The following DLG3 variants were observed in gnomAD, a reference collection of about 807,000 sequenced individuals.
The protein encoded by DLG3 is disks large homolog 3.
DLG3 carries 1 observed loss-of-function variant against 64.1 expected under a neutral mutation model. The ratio of observed to expected loss-of-function variants is 0.02; its 90% CI spans 0.01 to 0.07. The LOEUF (loss-of-function observed/expected upper bound fraction) is 0.07. DLG3 is among the 10% of genes least tolerant of loss of function. The probability of loss-of-function intolerance (pLI) is 1.00; values close to 1 mark genes in which losing one functional copy is unlikely to be tolerated. For synonymous variants in DLG3, 245 were observed against 259.8 expected (o/e 0.94, Z 0.55); for missense variants, 429 against 669.5 (o/e 0.64, Z 3.96).
intron 12 of DLG3, among the ~76,000 whole-genome samples, chrX:70,494,762 G>A (rs1211414083): frequency 8.9e-6 from 1 of 112,294 alleles, no homozygotes; most frequent in Non-Finnish European, 1.9e-5. Flanking sequence ...AGAGTTGAAG[G>A]TGCCTAGTGC....
At chrX:70,459,124 A>G (rs1027153670) in intron 9 of DLG3, among the ~76,000 whole-genome samples, 8 of 111,918 alleles carry the variant, frequency 7.1e-5, no homozygotes, top group African/African-American at 2.6e-4. Flanking sequence ...TTAGAGTAGA[A>G]ACTGATCTCA....
chrX:70,459,234 G>T (rs2086763625), intron 9 of DLG3, among the ~76,000 whole-genome samples: 1 of 112,252 alleles, frequency 8.9e-6, no homozygotes, highest in Admixed American at 9.5e-5. Flanking sequence ...AGGCAGGCTG[G>T]GGGTACAAGG....
intron 12 of DLG3, among the ~76,000 whole-genome samples, chrX:70,494,917 A>G (rs999888748): frequency 8.9e-6 from 1 of 112,575 alleles, no homozygotes; most frequent in African/African-American, 3.2e-5. Flanking sequence ...GGTGATGGCA[A>G]TTCTATCTGC....
intron 9 of DLG3, among the ~76,000 whole-genome samples, chrX:70,470,053 C>T (rs1012490145): frequency 4.5e-5 from 5 of 111,657 alleles, no homozygotes; most frequent in Admixed American, 9.5e-5. Flanking sequence ...AACTAAAACA[C>T]GAGCCATTAT....
At chrX:70,477,782 CT>C (rs762990263) in intron 9 of DLG3, among the ~76,000 whole-genome samples, 13 of 111,836 alleles carry the variant, frequency 1.2e-4, no homozygotes, top group Non-Finnish European at 2.1e-4. Context: ...ACAAAAGAAA[CT>C]TTGTTGAGAG....
At chrX:70,462,843 A>T (rs2086829010) in intron 9 of DLG3, among the ~76,000 whole-genome samples, 1 of 111,656 alleles carries the variant, frequency 9.0e-6, no homozygotes, top group South Asian at 3.8e-4. Flanking sequence ...TTTTAGGCCC[A>T]GCCCTGTTCT....
At chrX:70,461,285 C>T (rs1007643033) in intron 9 of DLG3, among the ~76,000 whole-genome samples, 4 of 112,054 alleles carry the variant, frequency 3.6e-5, no homozygotes, top group African/African-American at 9.7e-5. Flanking sequence ...TATCTAATTG[C>T]GGTTTTGATT....
intron 9 of DLG3, 37 bp from the exon 10 acceptor site, chrX:70,479,113 C>A (rs745393914): frequency 3.5e-6 from 4 of 1,151,713 alleles, no homozygotes; most frequent in Non-Finnish European, 4.8e-6. Flanking sequence ...TCCTTGAGTT[C>A]ATTCTTTTCC....
At chrX:70,455,116 TCTC>T in intron 9 of DLG3, 1 of 712,663 alleles carries the variant, frequency 1.4e-6, no homozygotes, top group South Asian at 7.5e-5. Flanking sequence ...GCCTCAGGCG[TCTC>T]CTCCTCCTCC....
At chrX:70,467,578 A>G (rs2086905170) in intron 9 of DLG3, among the ~76,000 whole-genome samples, 1 of 112,040 alleles carries the variant, frequency 8.9e-6, no homozygotes, top group African/African-American at 3.2e-5. Context: ...GGGTGTGACA[A>G]CTGTGAAGAA....
chrX:70,454,449 C>A, intron 9 of DLG3, 133 bp downstream of exon 9: 1 of 556,437 alleles, frequency 1.8e-6, no homozygotes, highest in South Asian at 2.7e-5. Context: ...CTCTTCCTCT[C>A]TCCTTTTCCT....
chrX:70,501,480 A>G (rs756295319), intron 18 of DLG3, among the ~76,000 whole-genome samples: 45 of 107,190 alleles, frequency 4.2e-4, no homozygotes, highest in Non-Finnish European at 6.9e-4. Context: ...GTTTCTATGT[A>G]ATACGTTCTT....
chrX:70,502,154 T>C lies in DLG3; in HGVS notation c.2348-9T>C. ...CACAGTAATAATTTTGTTTTCCTCT[T>C]CACTTTAGCCATTGTACAGGGTGAC... On this transcript the variant is annotated splice_polypyrimidine_tract_variant and intron_variant, in intron 18 of 18. Transcript: ENST00000374360. The C allele has an allele frequency of 8.4e-7, 1 of 1,187,427 alleles. No individual in the cohort carries two copies. Among genetic ancestry groups the C allele is most frequent in the Non-Finnish European group, 1.1e-6 (1 of 874,128 alleles).
intron 10 of DLG3, among the ~76,000 whole-genome samples, chrX:70,483,258 T>C (rs895067361): frequency 1.8e-5 from 2 of 112,421 alleles, no homozygotes; most frequent in Non-Finnish European, 3.8e-5. Context: ...TATTCCGTCC[T>C]GGGTAACAGA....
chrX:70,449,177 A>AGG (rs2086594283), intron 2 of DLG3, among the ~76,000 whole-genome samples, 182 bp from the exon 3 acceptor site: 1 of 111,369 alleles, frequency 9.0e-6, no homozygotes, highest in Non-Finnish European at 1.9e-5. Flanking sequence ...GGAATTGGGG[A>AGG]GGGGATGGGT....
chrX:70,454,089 G>A lies in DLG3; in HGVS notation c.1303-125G>A, dbSNP rs753811911. The A allele has an allele frequency of 2.1e-5, 12 of 574,571 alleles. No homozygotes were observed. In the South Asian group the frequency reaches 3.5e-4, roughly 17 times the overall value. 47.4% of individuals were successfully genotyped at this position (574,571 alleles called of 1,213,427 possible). On this transcript the variant is annotated intron_variant, in intron 8 of 18. Coordinates refer to ENST00000374360, the MANE Select transcript of DLG3 (RefSeq NM_021120.4). ...TAGGCCTTGTTTTAGGGGCAAGGTT[G>A]GAATATTGGGAAAGGCATCTAAACA...
chrX:70,453,962 A>C (rs1166469404), intron 8 of DLG3, among the ~76,000 whole-genome samples, 169 bp downstream of exon 8: 1 of 112,289 alleles, frequency 8.9e-6, no homozygotes, highest in African/African-American at 3.2e-5. Context: ...GACCGGGACT[A>C]GACTTATCTT....
Position 70,450,199 on chromosome X carries a change from G to T in DLG3, c.734G>T (p.Gly245Val). Residue 245 changes from glycine (G) to valine (V), a missense_variant, in exon 5 of 19, where the codon GGC becomes GTC. This residue lies in a region of DLG3 where 73 missense variants were observed against 158.5 expected (regional missense o/e 0.46). Transcript: ENST00000374360. ...GLGFSIAGGI[G>V]NQHIPGDNSI... ...GGTTTCAGCATTGCTGGGGGTATTG[G>T]CAACCAGCACATCCCAGGAGACAAC... 8.3e-7 allele frequency: 1 copy of T among 1,210,715 alleles called. No individual in the cohort carries two copies. Among genetic ancestry groups the T allele is most frequent in the Non-Finnish European group, 1.1e-6 (1 of 894,896 alleles).
chrX:70,471,322 A>T, intron 9 of DLG3, among the ~76,000 whole-genome samples: 1 of 110,283 alleles, frequency 9.1e-6, no homozygotes, highest in South Asian at 3.9e-4. Flanking sequence ...TAGCCTGGAG[A>T]AGACATAACT....
Sources: allele counts gnomAD v4.1 joint callset (sites outside exome capture counted in the v4.1 genomes callset), GRCh38; gene constraint gnomAD v4.1.1; regional missense constraint gnomAD v4.1.1; transcripts MANE v1.5; gene names NCBI Gene and HGNC (gene_info 2026-07-23, HGNC 2026-07-21).